DMD: variants seen among roughly 807,000 people sequenced by gnomAD.
DMD encodes the protein mutant dystrophin.
A neutral mutation model predicts 330.1 loss-of-function variants in DMD; 63 were observed. The observed-to-expected ratio is 0.19, with a 90% confidence interval of 0.16 to 0.24. DMD has a LOEUF of 0.24. DMD is among the 10% of genes least tolerant of loss of function. DMD has a pLI of 1.00. For missense variants in DMD, 3,344 were observed against 2,684.1 expected, an observed-to-expected ratio of 1.25 and a Z score of -5.43; for synonymous variants, 1,223 against 959.8, an observed-to-expected ratio of 1.27 and a Z score of -5.07.
chrX:31,124,375 C>G (rs767021404), intron 78 of DMD, among the ~76,000 whole-genome samples: 1 of 111,785 alleles, frequency 8.9e-6, no homozygotes, highest in Admixed American at 9.5e-5. Flanking sequence ...AAGAATCATA[C>G]TTTAATCCGT....
chrX:31,733,011 GA>G (rs2086623023), intron 51 of DMD, among the ~76,000 whole-genome samples: 1 of 111,361 alleles, frequency 9.0e-6, no homozygotes, highest in Non-Finnish European at 1.9e-5. Context: ...AAACACAGGA[GA>G]AGGAAGGAAT....
At chrX:32,891,607 T>C (rs186983329) in intron 2 of DMD, among the ~76,000 whole-genome samples, 50 of 111,881 alleles carry the variant, frequency 4.5e-4, no homozygotes, top group African/African-American at 1.5e-3. Flanking sequence ...TCCAACACTT[T>C]CCAACTGTCA....
intron 7 of DMD, among the ~76,000 whole-genome samples, chrX:32,784,112 T>C (rs1302375834): frequency 2.7e-5 from 3 of 111,009 alleles, no homozygotes; most frequent in Non-Finnish European, 5.7e-5. Flanking sequence ...AGCAGAAGGC[T>C]AATAAAACAA....
intron 60 of DMD, among the ~76,000 whole-genome samples, chrX:31,431,530 TGAG>T (rs1001867838): frequency 9.0e-6 from 1 of 111,247 alleles, no homozygotes; most frequent in Non-Finnish European, 1.9e-5. Flanking sequence ...CCCGAGTAGC[TGAG>T]ATTACAGGCA....
chrX:32,157,278 A>C (rs1365310636), intron 44 of DMD, among the ~76,000 whole-genome samples: 1 of 111,935 alleles, frequency 8.9e-6, no homozygotes, highest in East Asian at 2.8e-4. Context: ...AACTTCATGC[A>C]TATCCTCAGA....
chrX:32,596,114 G>A (rs2055495600), intron 12 of DMD, among the ~76,000 whole-genome samples: 1 of 110,885 alleles, frequency 9.0e-6, no homozygotes, highest in South Asian at 3.8e-4. Flanking sequence ...AGGTACAGCA[G>A]GATGTTCTCC....
chrX:32,428,330 A>T, intron 29 of DMD, among the ~76,000 whole-genome samples: 1 of 112,010 alleles, frequency 8.9e-6, no homozygotes, highest in East Asian at 2.8e-4. Flanking sequence ...AGCTTGTTAC[A>T]AATTTAAGAG....
chrX:33,197,329 G>T (rs1338574467), intron 1 of DMD, among the ~76,000 whole-genome samples: 1 of 111,980 alleles, frequency 8.9e-6, no homozygotes, highest in Non-Finnish European at 1.9e-5. Context: ...CTCTCCCAAT[G>T]TTGATACCAT....
chrX:33,182,286 A>G (rs1032091418), intron 1 of DMD, among the ~76,000 whole-genome samples: 8 of 111,771 alleles, frequency 7.2e-5, no homozygotes, highest in Non-Finnish European at 1.1e-4. Context: ...TTCTTTTGAG[A>G]CATAATCTTG....
At chrX:32,398,405 T>C (rs932146570) in intron 30 of DMD, among the ~76,000 whole-genome samples, 2 of 110,520 alleles carry the variant, frequency 1.8e-5, no homozygotes, top group Admixed American at 9.8e-5. Context: ...ACATTGTTCC[T>C]TGACATATGA....
intron 2 of DMD, among the ~76,000 whole-genome samples, chrX:32,930,533 C>A (rs143378032): frequency 9.0e-6 from 1 of 110,668 alleles, no homozygotes; most frequent in Non-Finnish European, 1.9e-5. Flanking sequence ...CTTTTAAATG[C>A]CTTCACAATC....
At chrX:32,595,170 A>C (rs1456809193) in intron 13 of DMD, among the ~76,000 whole-genome samples, 1 of 111,832 alleles carries the variant, frequency 8.9e-6, no homozygotes, top group Admixed American at 9.6e-5. Context: ...AGGGATAATC[A>C]GTACATTTAC....
At chrX:31,801,332 G>T (rs1342258020) in intron 50 of DMD, among the ~76,000 whole-genome samples, 3 of 110,651 alleles carry the variant, frequency 2.7e-5, no homozygotes, top group African/African-American at 9.9e-5. Flanking sequence ...ACAACAGCAT[G>T]GGGGGAAACA....
intron 50 of DMD, among the ~76,000 whole-genome samples, chrX:31,782,149 G>C (rs977337079): frequency 1.8e-5 from 2 of 111,292 alleles, no homozygotes; most frequent in Non-Finnish European, 3.8e-5. Context: ...TGACAAAAAT[G>C]ACAACATCTC....
At chrX:31,152,443 C>T (rs765878625) in intron 74 of DMD, among the ~76,000 whole-genome samples, 6 of 112,006 alleles carry the variant, frequency 5.4e-5, no homozygotes, top group African/African-American at 1.9e-4. Flanking sequence ...GGATTACAGG[C>T]GTGAGCCACT....
intron 48 of DMD, among the ~76,000 whole-genome samples, chrX:31,843,244 G>A (rs2093350516): frequency 9.0e-6 from 1 of 111,630 alleles, no homozygotes; most frequent in African/African-American, 3.3e-5. Context: ...CTCAGTAATG[G>A]GATTGCTGGG....
intron 7 of DMD, among the ~76,000 whole-genome samples, chrX:32,713,228 C>A (rs1215325026): frequency 9.0e-6 from 1 of 111,613 alleles, no homozygotes; most frequent in Non-Finnish European, 1.9e-5. Context: ...ATCCCTCTTA[C>A]CATTCATGTG....
chrX:31,493,829 TATG>T (rs1432110206), intron 57 of DMD, among the ~76,000 whole-genome samples: 1 of 111,605 alleles, frequency 9.0e-6, no homozygotes, highest in African/African-American at 3.3e-5. Flanking sequence ...CTTCTATAAT[TATG>T]ATGATAACAA....
At chrX:31,771,660 C>A (rs777849467) in intron 51 of DMD, among the ~76,000 whole-genome samples, 44 of 110,544 alleles carry the variant, frequency 4.0e-4, no homozygotes, top group African/African-American at 1.4e-3. Flanking sequence ...GGCCACCACA[C>A]CAGCTAATTT....
Sources: allele counts gnomAD v4.1 joint callset (sites outside exome capture counted in the v4.1 genomes callset), GRCh38; gene constraint gnomAD v4.1.1; transcripts MANE v1.5; gene names NCBI Gene and HGNC (gene_info 2026-07-23, HGNC 2026-07-21).